The following RAP1A variants were observed in gnomAD, a reference collection of about 807,000 sequenced individuals.
RAP1A encodes RAP1A, member of RAS oncogene family.
In RAP1A, 6 loss-of-function variants were observed where a neutral mutation model predicts 26.4. That is an observed-to-expected ratio of 0.23 (90% CI 0.12 to 0.45). The LOEUF is 0.45. RAP1A is among the 20% of genes least tolerant of loss of function. RAP1A has a pLI of 0.99. For missense variants in RAP1A, 121 were observed against 217.2 expected (o/e 0.56, Z 2.78); for synonymous variants, 73 against 79.4 (o/e 0.92, Z 0.43).
chr1:111,661,553 C>G (rs1216315119), intron 1 of RAP1A, among the ~76,000 whole-genome samples: 1 of 152,184 alleles, frequency 6.6e-6, no homozygotes, highest in African/African-American at 2.4e-5. Context: ...GTAATCCCAG[C>G]ACTTTGGGAG....
chr1:111,672,389 C>A (rs938582952), intron 1 of RAP1A, among the ~76,000 whole-genome samples: 1 of 152,140 alleles, frequency 6.6e-6, no homozygotes, highest in Admixed American at 6.6e-5. Flanking sequence ...TAGGATACTG[C>A]AAGAAATTCA....
At chr1:111,574,736 AG>A (rs1477712449) in intron 1 of RAP1A, among the ~76,000 whole-genome samples, 6 of 152,264 alleles carry the variant, frequency 3.9e-5, no homozygotes, top group African/African-American at 1.4e-4. Context: ...AAGATGAGTC[AG>A]TAACTGTAGT....
At chr1:111,546,472 C>T (rs760350078) in intron 1 of RAP1A, among the ~76,000 whole-genome samples, 4 of 152,108 alleles carry the variant, frequency 2.6e-5, no homozygotes, top group Non-Finnish European at 4.4e-5. Context: ...CTTTCTGTCT[C>T]TGTGAATTGG....
At chr1:111,642,722 C>T (rs890369260) in intron 1 of RAP1A, among the ~76,000 whole-genome samples, 7 of 150,972 alleles carry the variant, frequency 4.6e-5, no homozygotes, top group African/African-American at 1.7e-4. Context: ...CTCCTGACCT[C>T]GTGATCCACC....
At chr1:111,673,733 A>G (rs77471505) in intron 1 of RAP1A, among the ~76,000 whole-genome samples, 2,318 of 152,340 alleles carry the variant, frequency 0.015, 65 homozygotes, top group African/African-American at 0.053. Flanking sequence ...GCTTGGAAGA[A>G]CATAGAGGTT....
chr1:111,563,513 T>C (rs1434441177), intron 1 of RAP1A, among the ~76,000 whole-genome samples: 1 of 152,084 alleles, frequency 6.6e-6, no homozygotes, highest in Admixed American at 6.5e-5. Flanking sequence ...TATAACAAAA[T>C]AAAAGTTTAC....
Position 111,549,609 on chromosome 1 carries a change from C to T in RAP1A, c.-28+7100C>T, listed in dbSNP as rs575667736. Among the ~76,000 whole-genome samples, 4 of 150,640 alleles carry T rather than the reference C, an allele frequency of 2.7e-5. No homozygotes were observed. In the East Asian group the frequency reaches 5.8e-4, roughly 22 times the overall value. ...AGGTTGTGGTGAGCCGATATCATGC[C>T]ACTGCACTCCAGCCTGGGCAACAGA... On this transcript the variant is annotated intron_variant, in intron 1 of 7. Coordinates refer to the RAP1A transcript ENST00000356415.
At chr1:111,601,341 G>A (rs1392807878) in intron 1 of RAP1A, among the ~76,000 whole-genome samples, 1 of 152,056 alleles carries the variant, frequency 6.6e-6, no homozygotes, top group Non-Finnish European at 1.5e-5. Context: ...TGAGAAAGGA[G>A]ATCCTTGTCT....
intron 1 of RAP1A, among the ~76,000 whole-genome samples, chr1:111,600,413 T>C (rs2800883): frequency 0.41 from 62,373 of 152,134 alleles, 13,149 homozygotes; most frequent in African/African-American, 0.54. Context: ...ATGGATATTC[T>C]TCTGCCTGTG....
chr1:111,611,267 A>G (rs570977835), intron 1 of RAP1A, among the ~76,000 whole-genome samples: 1 of 152,344 alleles, frequency 6.6e-6, no homozygotes, highest in South Asian at 2.1e-4. Context: ...TGTGCTTAGG[A>G]TGGCTTCAAA....
chr1:111,696,547 A>G (rs932648424), intron 3 of RAP1A, among the ~76,000 whole-genome samples: 4 of 152,194 alleles, frequency 2.6e-5, no homozygotes, highest in East Asian at 1.9e-4. Context: ...CCCCTCATCA[A>G]TGTCTGATCT....
intron 2 of RAP1A, among the ~76,000 whole-genome samples, chr1:111,694,107 C>T (rs1326805649): frequency 6.6e-6 from 1 of 152,078 alleles, no homozygotes; most frequent in East Asian, 1.9e-4. Flanking sequence ...AGGTTGGTTT[C>T]AAATTCCTGA....
At chr1:111,592,156 T>C (rs779543769) in intron 1 of RAP1A, among the ~76,000 whole-genome samples, 9 of 152,192 alleles carry the variant, frequency 5.9e-5, no homozygotes, top group Non-Finnish European at 8.8e-5. Flanking sequence ...CAAATAGTAA[T>C]TCAATACTCT....
chr1:111,604,499 C>T (rs1283450960), intron 1 of RAP1A: 3 of 152,122 alleles, frequency 2.0e-5, no homozygotes, highest in Non-Finnish European at 4.4e-5. Context: ...TCAGCTTATA[C>T]CCTTAAAATA....
chr1:111,686,041 A>G (rs1661465002), intron 1 of RAP1A, among the ~76,000 whole-genome samples: 1 of 150,270 alleles, frequency 6.7e-6, no homozygotes, highest in Non-Finnish European at 1.5e-5. Context: ...ACCAAACACC[A>G]CATGTTCTCA....
chr1:111,577,601 T>C (rs887886885), intron 1 of RAP1A, among the ~76,000 whole-genome samples: 2 of 152,016 alleles, frequency 1.3e-5, no homozygotes, highest in Admixed American at 1.3e-4. Flanking sequence ...ATCAAATATA[T>C]TATTGGGTTT....
chr1:111,621,021 G>A (rs553856183), intron 1 of RAP1A, among the ~76,000 whole-genome samples: 1 of 152,278 alleles, frequency 6.6e-6, no homozygotes, highest in East Asian at 1.9e-4. Flanking sequence ...TTACTTCTTT[G>A]AAGGGAGGAG....
intron 1 of RAP1A, among the ~76,000 whole-genome samples, chr1:111,665,442 A>T (rs1660773007): frequency 6.6e-6 from 1 of 152,154 alleles, no homozygotes; most frequent in East Asian, 1.9e-4. Context: ...AGTACACCTG[A>T]CCAAATGTAT....
At chr1:111,694,950 A>G (rs1265971046) in intron 2 of RAP1A, among the ~76,000 whole-genome samples, 2 of 152,078 alleles carry the variant, frequency 1.3e-5, no homozygotes, top group Non-Finnish European at 2.9e-5. Context: ...AAAAATTAGA[A>G]CCTTTGTCAC....
Sources: allele counts gnomAD v4.1 joint callset (sites outside exome capture counted in the v4.1 genomes callset), GRCh38; gene constraint gnomAD v4.1.1; transcripts MANE v1.5; gene names NCBI Gene and HGNC (gene_info 2026-07-23, HGNC 2026-07-21).